The following DDX27 variants were observed in gnomAD, a reference collection of about 807,000 sequenced individuals.
DDX27 encodes DEAD-box helicase 27, also known as probable ATP-dependent RNA helicase DDX27.
In DDX27, 42 loss-of-function variants were observed where a neutral mutation model predicts 99.3. The observed-to-expected ratio is 0.42, with a 90% confidence interval of 0.33 to 0.55. The LOEUF (loss-of-function observed/expected upper bound fraction) is 0.55, where lower values mean the gene tolerates loss of function less well. Among genes scored for constraint, DDX27 ranks in the 20% least tolerant of loss-of-function variants. DDX27 has a pLI of 0.07. For synonymous variants in DDX27, 329 were observed against 353.8 expected, an observed-to-expected ratio of 0.93 and a Z score of 0.79; for missense variants, 798 against 976.8, an observed-to-expected ratio of 0.82 and a Z score of 2.44.
chr20:49,238,610 G>T, intron 14 of DDX27: 1 of 262,284 alleles, frequency 3.8e-6, no homozygotes, highest in Non-Finnish European at 7.4e-6. Flanking sequence ...TGGGATTACA[G>T]GCGTGTGCCC....
chr20:49,221,038 C>T (rs368539910), intron 1 of DDX27, among the ~76,000 whole-genome samples: 2 of 152,074 alleles, frequency 1.3e-5, no homozygotes, highest in Admixed American at 1.3e-4. Context: ...CTCGGCTCAC[C>T]GCAGCCTCCC....
chr20:49,219,973 A>C lies in DDX27; in HGVS notation c.93+432A>C, dbSNP rs1005057105. 1.1e-4 allele frequency among the ~76,000 whole-genome samples: 17 copies of C among 152,298 alleles called. 1 individual carries two copies. The highest frequency in any genetic ancestry group is 8.3e-4 in the South Asian group (4 of 4,830). On this transcript the variant is annotated intron_variant, in intron 1 of 20. Transcript: ENST00000618172. The stretch of plus-strand genomic sequence containing the variant: ...AGCGTTGGGGGCGTAGCAATGAACA[A>C]GGTGAGTGCCACTCTCCTGAAGCGT...
chr20:49,236,291 C>G lies in DDX27; in HGVS notation c.1510-42C>G, dbSNP rs536347960. Reference sequence around the variant, plus strand: ...GAAGTCTTTTTGCCTCTTCGCACCCCCCTTCCCTTGCCAGGCCTGACGTTC... The same window carrying G: ...GAAGTCTTTTTGCCTCTTCGCACCCGCCTTCCCTTGCCAGGCCTGACGTTC... On this transcript the variant is annotated intron_variant, in intron 13 of 20. Coordinates refer to ENST00000618172, the MANE Select transcript of DDX27 (RefSeq NM_017895.8). The surrounding 1 kb of genome is among the most constrained non-coding windows in gnomAD (Gnocchi z 4.1). 1.3e-6 allele frequency: 2 copies of G among 1,570,544 alleles called. No individual in the cohort carries two copies. Among genetic ancestry groups the G allele is most frequent in the Non-Finnish European group, 1.7e-6 (2 of 1,154,824 alleles).
intron 12 of DDX27, 46 bp downstream of exon 12, chr20:49,235,134 CAG>C: frequency 6.5e-7 from 1 of 1,539,788 alleles, no homozygotes; most frequent in Non-Finnish European, 8.7e-7. Flanking sequence ...CCTTCTGGGG[CAG>C]AGAGGATAGA....
At chr20:49,223,568 CTTTCT>C in intron 4 of DDX27, 135 bp downstream of exon 4, 2 of 634,346 alleles carry the variant, frequency 3.2e-6, no homozygotes, top group Non-Finnish European at 4.7e-6. Context: ...GAACTCCTTT[CTTTCT>C]TTTTTTTTTT....
intron 9 of DDX27, among the ~76,000 whole-genome samples, chr20:49,230,557 G>A (rs1259372902): frequency 6.6e-6 from 1 of 152,210 alleles, no homozygotes; most frequent in Non-Finnish European, 1.5e-5. Context: ...GTGGTTAAGT[G>A]ATAAGGCTGG....
rs907491754 is a variant in DDX27, at chr20:49,242,111, T to A, written c.2021T>A (p.Leu674His). 2 of 1,614,174 alleles carry A rather than the reference T, an allele frequency of 1.2e-6. No homozygotes were observed. Among genetic ancestry groups the A allele is most frequent in the Admixed American group, 1.7e-5 (1 of 60,020 alleles). The change falls in exon 18 of 21, where the codon CTC (leucine) becomes CAC (histidine). Residue 674 changes from leucine to histidine, a missense_variant. By Grantham distance (99) the Leu-to-His change is moderately conservative (BLOSUM62 -3). Transcript: ENST00000618172. ...TAEERSQFEILKAQMFAERLA... is the reference protein window; with the variant it reads ...TAEERSQFEIHKAQMFAERLA... ...GAGGAAAGGTCTCAGTTTGAAATCC[T>A]CAAGGCGCAGATGTTTGCTGAACGG...
rs1163164767 is a variant in DDX27 at position 49,238,753 on chromosome 20, C to T, written c.1688-196C>T. On this transcript the variant is annotated intron_variant, in intron 14 of 20. Coordinates refer to ENST00000618172, the MANE Select transcript of DDX27 (RefSeq NM_017895.8). ...AAAGCGTGGGATTACAGGCATGAGC[C>T]ACTGTGCCTGGCTTTTTTTTTTTTT... is the stretch of plus-strand genomic sequence containing the variant. 2.3e-5 allele frequency: 13 copies of T among 565,882 alleles called. No individual in the cohort carries two copies. In the South Asian group the frequency reaches 2.4e-4, roughly 10 times the overall value. 35.1% of individuals were successfully genotyped at this position (565,882 alleles called of 1,614,324 possible).
rs1980316993 is a variant in DDX27, at chr20:49,236,555, G to T, written c.1687+45G>T. On this transcript the variant is annotated intron_variant, in intron 14 of 20. Transcript: ENST00000618172. The surrounding 1 kb of genome is among the most constrained non-coding windows in gnomAD (Gnocchi z 4.1). Reference sequence around the variant, plus strand: ...GCAGTGCAGAATGGCTCGGTGGGCGGGGCAAGGACAGAGTGTAATGGCTGA... The same window carrying T: ...GCAGTGCAGAATGGCTCGGTGGGCGTGGCAAGGACAGAGTGTAATGGCTGA... The T allele has an allele frequency of 2.0e-6, 3 of 1,503,814 alleles. No individual in the cohort carries two copies. The highest frequency in any genetic ancestry group is 2.7e-6 in the Non-Finnish European group (3 of 1,124,676). The allele number at this position is 1,503,814 out of a possible 1,614,324, so 93.2% of individuals were successfully genotyped here.
intron 11 of DDX27, 37 bp downstream of exon 11, chr20:49,233,746 G>A (rs751025645): frequency 1.5e-5 from 24 of 1,601,088 alleles, no homozygotes; most frequent in Non-Finnish European, 1.8e-5. Context: ...GGGTGGGCTG[G>A]TCAGCTTCCT....
chr20:49,221,420 C>G (rs756918204), intron 1 of DDX27, 32 bp from the exon 2 acceptor site: 1 of 1,611,892 alleles, frequency 6.2e-7, no homozygotes, highest in South Asian at 1.1e-5. Context: ...TTATCTCAGC[C>G]CCAAAGTCAC....
rs201290515 is a variant in DDX27 at position 49,239,293 on chromosome 20, G to A, written c.1852G>A (p.Glu618Lys). The change falls in exon 16 of 21, where the codon GAG becomes AAG. Residue 618 changes from glutamate to lysine, a missense_variant. Around this residue, in one of 2 missense-constraint regions of DDX27, gnomAD observed 553 missense variants for 727.9 expected, o/e 0.76. Coordinates refer to ENST00000618172, the MANE Select transcript of DDX27 (RefSeq NM_017895.8). ...KGKEAVVQEP[E>K]RSWFQTKEER... ...GAAGGAGGCAGTGGTCCAAGAGCCC[G>A]AGAGGAGCTGGTTCCAGACCAAAGA... is the stretch of plus-strand genomic sequence containing the variant. 60 of 1,613,980 alleles carry A rather than the reference G, an allele frequency of 3.7e-5. No homozygotes were observed. The East Asian group carries it at 9.8e-4, about 26-fold the overall frequency.
At chr20:49,223,127 G>GTCCTCCTTTACTTTGTAGGGTTTCCTC in intron 3 of DDX27, 111 bp downstream of exon 3, 1 of 1,339,618 alleles carries the variant, frequency 7.5e-7, no homozygotes, top group Non-Finnish European at 1.0e-6. Flanking sequence ...TGGGGCAGGC[G>GTCCTCCTTTACTTTGTAGGGTTTCCTC]CACTCTTCTG....
intron 4 of DDX27, among the ~76,000 whole-genome samples, chr20:49,223,788 C>T (rs1441300217): frequency 1.3e-5 from 2 of 151,896 alleles, no homozygotes; most frequent in Non-Finnish European, 2.9e-5. Flanking sequence ...GGCTGAGGTA[C>T]GAGAATCACT....
chr20:49,230,459 G>C (rs947030017), intron 9 of DDX27, 110 bp downstream of exon 9: 17 of 1,305,356 alleles, frequency 1.3e-5, no homozygotes, highest in Non-Finnish European at 1.8e-5. Context: ...CATGGCTGTT[G>C]GTGTGCGATA....
chr20:49,240,923 A>T (rs1309348718), intron 16 of DDX27, among the ~76,000 whole-genome samples: 1 of 152,094 alleles, frequency 6.6e-6, no homozygotes. Flanking sequence ...CTGAGGTAGG[A>T]GGATCACCTG....
chr20:49,243,971 A>G lies in DDX27; in HGVS notation c.*137A>G, dbSNP rs146995910. 30 of 977,856 alleles carry G rather than the reference A, an allele frequency of 3.1e-5. No homozygotes were observed. The East Asian group carries it at 7.2e-4, about 24-fold the overall frequency. The allele number at this position is 977,856 out of a possible 1,614,324, so 60.6% of individuals were successfully genotyped here. ...AAAAACAACACTTTGGTGTGGTGGT[A>G]TGGTACGTAGCTATTTTCCTAAGCA... On this transcript the variant is annotated 3_prime_UTR_variant, in exon 21 of 21. Coordinates refer to ENST00000618172, the MANE Select transcript of DDX27 (RefSeq NM_017895.8).
At chr20:49,231,563 G>C (rs1277057625) in intron 9 of DDX27, among the ~76,000 whole-genome samples, 1 of 152,214 alleles carries the variant, frequency 6.6e-6, no homozygotes, top group Non-Finnish European at 1.5e-5. Flanking sequence ...CTAGACTGTA[G>C]CCTGCACTGG....
chr20:49,228,385 C>T (rs1351433227), intron 7 of DDX27, among the ~76,000 whole-genome samples: 1 of 152,060 alleles, frequency 6.6e-6, no homozygotes, highest in Non-Finnish European at 1.5e-5. Context: ...ATTCGCCTGC[C>T]TTGGCCTCAC....
Sources: allele counts gnomAD v4.1 joint callset (sites outside exome capture counted in the v4.1 genomes callset), GRCh38; gene constraint gnomAD v4.1.1; regional missense constraint gnomAD v4.1.1; non-coding constraint Gnocchi (gnomAD v3.1); transcripts MANE v1.5; gene names NCBI Gene and HGNC (gene_info 2026-07-23, HGNC 2026-07-21).